Variants in SEC31A observed in about 807,000 individuals in gnomAD.
SEC31A encodes protein transport protein Sec31A.
A neutral mutation model predicts 151.0 loss-of-function variants in SEC31A; 70 were observed. The observed-to-expected ratio is 0.46, with a 90% CI of 0.38 to 0.57. SEC31A has a LOEUF of 0.57. Ranked by LOEUF, SEC31A falls within the 20% of genes least tolerant of loss-of-function variation. The probability of loss-of-function intolerance (pLI) is 0.00; values close to 1 mark genes in which losing one functional copy is unlikely to be tolerated. For synonymous variants in SEC31A, 475 were observed against 505.9 expected (o/e 0.94, Z 0.82); for missense variants, 1,330 against 1,471.2 (o/e 0.90, Z 1.57).
At chr4:82,899,151 G>C (rs932416621) in intron 3 of SEC31A, among the ~76,000 whole-genome samples, 8 of 152,206 alleles carry the variant, frequency 5.3e-5, no homozygotes, top group Non-Finnish European at 2.9e-5. Flanking sequence ...GAAGTGTACA[G>C]AGCAGGCAGA....
intron 14 of SEC31A, among the ~76,000 whole-genome samples, 181 bp downstream of exon 14, chr4:82,861,450 A>G (rs1477685326): frequency 1.3e-5 from 2 of 152,186 alleles, no homozygotes; most frequent in African/African-American, 4.8e-5. Context: ...GGAGAACTAG[A>G]GTCTGGAGAT....
At chr4:82,854,151 G>A (rs1364029438) in intron 17 of SEC31A, among the ~76,000 whole-genome samples, 5 of 152,146 alleles carry the variant, frequency 3.3e-5, no homozygotes, top group Non-Finnish European at 7.4e-5. Context: ...ATCAGCAGAG[G>A]TCAGGAGTTC....
chr4:82,824,882 T>G (rs1185213501), intron 24 of SEC31A, among the ~76,000 whole-genome samples: 1 of 152,216 alleles, frequency 6.6e-6, no homozygotes, highest in Non-Finnish European at 1.5e-5. Context: ...TTCCTACAGT[T>G]TGGATTTTCA....
chr4:82,859,464 A>G (rs547267015), intron 14 of SEC31A, among the ~76,000 whole-genome samples: 2 of 152,330 alleles, frequency 1.3e-5, no homozygotes, highest in South Asian at 4.1e-4. Context: ...AGAAAAACAA[A>G]GCTTTCTTAC....
intron 2 of SEC31A, 100 bp from the exon 3 acceptor site, chr4:82,881,022 C>A (rs1739164924): frequency 2.4e-5 from 24 of 993,782 alleles, no homozygotes; most frequent in Non-Finnish European, 3.2e-5. Flanking sequence ...TTCTCTTGCT[C>A]ATGAATGCTG....
At chr4:82,845,064 A>G in intron 20 of SEC31A, 1 of 565,606 alleles carries the variant, frequency 1.8e-6, no homozygotes, top group Non-Finnish European at 3.0e-6. Context: ...TTGCATCCTA[A>G]AAGCATTAAA....
At chr4:82,820,935 T>G (rs549237449) in intron 26 of SEC31A, 102 bp downstream of exon 26, 2 of 861,814 alleles carry the variant, frequency 2.3e-6, no homozygotes, top group Admixed American at 2.0e-5. Context: ...GTCATGACAA[T>G]TTTGCCCCCA....
chr4:82,887,928 C>A (rs1196026639), intron 1 of SEC31A, among the ~76,000 whole-genome samples: 3 of 151,808 alleles, frequency 2.0e-5, no homozygotes, highest in Non-Finnish European at 4.4e-5. Context: ...CGCCTGTAGT[C>A]CCAGCTACTC....
At chr4:82,837,179 ATATATATATATATATATATAATT>A (rs913198491) in intron 22 of SEC31A, among the ~76,000 whole-genome samples, 7 of 50,752 alleles carry the variant, frequency 1.4e-4, no homozygotes, top group Admixed American at 9.2e-4. Flanking sequence ...ATATATATAT[ATATATATATATATATATATAATT>A]TCACCACAAT....
chr4:82,864,208 T>C (rs1273991595), intron 11 of SEC31A, among the ~76,000 whole-genome samples, 154 bp downstream of exon 11: 1 of 152,192 alleles, frequency 6.6e-6, no homozygotes, highest in African/African-American at 2.4e-5. Flanking sequence ...ATAAGTTAGG[T>C]TGTATGCTCT....
chr4:82,889,340 G>A (rs1309893733), intron 1 of SEC31A, among the ~76,000 whole-genome samples: 1 of 151,924 alleles, frequency 6.6e-6, no homozygotes, highest in Non-Finnish European at 1.5e-5. Flanking sequence ...TCACTTGAAA[G>A]CAGGAGCTTG....
At chr4:82,896,388 T>C (rs1720058449) in intron 3 of SEC31A, among the ~76,000 whole-genome samples, 1 of 151,846 alleles carries the variant, frequency 6.6e-6, no homozygotes, top group East Asian at 2.0e-4. Flanking sequence ...CGGCTAATTT[T>C]TGTATTTTTA....
upstream of SEC31A, among the ~76,000 whole-genome samples, chr4:82,892,003 C>T (rs1361486687): frequency 6.6e-6 from 1 of 152,232 alleles, no homozygotes; most frequent in Non-Finnish European, 1.5e-5. Flanking sequence ...AACTCTTGCA[C>T]TTTGGGTAGC....
intron 13 of SEC31A, 108 bp from the exon 14 acceptor site, chr4:82,861,816 T>G: frequency 1.7e-6 from 1 of 597,544 alleles, no homozygotes; most frequent in Non-Finnish European, 3.0e-6. Context: ...AGAGCTAGTT[T>G]AATCATAAGA....
intron 22 of SEC31A, chr4:82,830,971 GT>G: frequency 8.3e-7 from 1 of 1,203,028 alleles, no homozygotes; most frequent in Non-Finnish European, 1.1e-6. Flanking sequence ...GGATAGACTG[GT>G]TTTCTGTAGA....
chr4:82,851,721 T>C (rs1326150674), intron 18 of SEC31A, 117 bp from the exon 19 acceptor site: 3 of 811,604 alleles, frequency 3.7e-6, no homozygotes, highest in Non-Finnish European at 3.8e-6. Flanking sequence ...GTACCTGTTA[T>C]CATCCCTCCT....
intron 15 of SEC31A, 121 bp downstream of exon 15, chr4:82,857,568 G>A: frequency 1.5e-6 from 1 of 677,570 alleles, no homozygotes; most frequent in Non-Finnish European, 2.6e-6. Context: ...AACTTCCCAA[G>A]TAGCTGGGAC....
rs780172742 is a variant in SEC31A at position 82,855,020 on chromosome 4, C to T, written c.1891G>A (p.Ala631Thr). ...TCTTTCCAGTTCTTCATCACCACTG[C>T]AGTGATGAGCTTGAGAAACGAAAAC... The part of the protein sequence containing the change: ...SQSKITRLIT[A>T]VVMKNWKEIV... Residue 631 changes from alanine to threonine, a missense_variant, in exon 17 of 27, where the codon GCA becomes ACA. Ala to Thr is a moderately conservative substitution (Grantham distance 58). Transcript: ENST00000395310. The T allele has an allele frequency of 3.1e-6, 5 of 1,598,910 alleles. No individual in the cohort carries two copies. In the Admixed American group the frequency reaches 9.1e-5, roughly 29 times the overall value.
chr4:82,866,342 G>T lies in SEC31A; in HGVS notation c.1197+466C>A, dbSNP rs139889571. Among the ~76,000 whole-genome samples, 354 of 152,138 alleles carry T rather than the reference G, an allele frequency of 2.3e-3. 1 individual carries two copies. The Middle Eastern group carries it at 0.031, about 13-fold the overall frequency. On this transcript the variant is annotated intron_variant, in intron 10 of 26. Coordinates refer to ENST00000395310, the MANE Select transcript of SEC31A (RefSeq NM_001077207.4). ...AAAAACCAGCCAGGTGTGGTGGCAC[G>T]TGCTTGTAATCCCAGCTACCCAGGA...
Sources: gnomAD v4.1 joint callset for allele counts (sites outside exome capture counted in the v4.1 genomes callset) on GRCh38, gnomAD v4.1.1 for gene constraint, MANE v1.5 for transcripts, NCBI Gene and HGNC (gene_info 2026-07-23, HGNC 2026-07-21) for gene names.